Variants in P2RX5 observed in about 807,000 individuals in gnomAD.
P2RX5 encodes purinergic receptor P2X 5, also known as P2X purinoceptor 5.
Under a neutral mutation model 54.1 loss-of-function variants are expected in P2RX5, and 46 were observed. The ratio of observed to expected loss-of-function variants is 0.85; its 90% confidence interval spans 0.67 to 1.09. The LOEUF is 1.09. Ranked by LOEUF, P2RX5 falls within the 50% of genes least tolerant of loss-of-function variation. The pLI, the probability that P2RX5 is intolerant of heterozygous loss-of-function variation, is 0.00. For missense variants in P2RX5, 566 were observed against 549.8 expected (o/e 1.03, Z -0.29); for synonymous variants, 226 against 226.4 (o/e 1.00, Z 0.02).
At position 3,679,689 on chromosome 17, in the gene P2RX5, G is replaced by A. The variant is rs188788755; in HGVS notation, c.1160C>T (p.Pro387Leu). 19 of 1,611,780 alleles carry A rather than the reference G, an allele frequency of 1.2e-5. No individual in the cohort carries two copies. The highest frequency in any genetic ancestry group is 1.7e-4 in the Middle Eastern group (1 of 6,058). The part of the protein sequence containing the change: ...LTSGPGLLGM[P>L]EQQELQEPPE... Reference sequence around the variant, plus strand: ...TGGCTCCTGCAGCTCCTGCTGCTCCGGCATCCCCAGCAGCCCTGGCCCAGA... The same window carrying A: ...TGGCTCCTGCAGCTCCTGCTGCTCCAGCATCCCCAGCAGCCCTGGCCCAGA... Residue 387 changes from proline to leucine, a missense_variant, in exon 11 of 12, where the codon CCG (proline) becomes CTG (leucine). Pro to Leu is a moderately conservative substitution (Grantham distance 98). Coordinates refer to ENST00000225328, the MANE Select transcript of P2RX5 (RefSeq NM_002561.4).
intron 11 of P2RX5, among the ~76,000 whole-genome samples, 156 bp from the exon 12 acceptor site, chr17:3,674,033 G>T (rs1237095943): frequency 6.6e-6 from 1 of 152,214 alleles, no homozygotes; most frequent in Non-Finnish European, 1.5e-5. Context: ...TTCCGGCCAG[G>T]CGCGGTGGCT....
At position 3,673,734 on chromosome 17, in the gene P2RX5, C is replaced by T; in HGVS notation, c.*134G>A. Reference sequence around the variant, plus strand: ...CACTTTGCTCTGTGATGGCTGGTCCCTGTGATGTGGCATTGATAGCACCCA... The same window carrying T: ...CACTTTGCTCTGTGATGGCTGGTCCTTGTGATGTGGCATTGATAGCACCCA... On this transcript the variant is annotated 3_prime_UTR_variant, in exon 12 of 12. Coordinates refer to ENST00000225328, the MANE Select transcript of P2RX5 (RefSeq NM_002561.4). 6.2e-7 allele frequency: 1 copy of T among 1,603,976 alleles called. No homozygotes were observed. The highest frequency in any genetic ancestry group is 2.3e-4 in the Middle Eastern group (1 of 4,414).
intron 11 of P2RX5, among the ~76,000 whole-genome samples, chr17:3,675,102 C>T (rs949224814): frequency 1.3e-5 from 2 of 152,092 alleles, no homozygotes; most frequent in Admixed American, 6.5e-5. Context: ...TGCAGTGGCA[C>T]GATCTTGGAT....
chr17:3,693,143 AAAG>A (rs2050665134), intron 1 of P2RX5, among the ~76,000 whole-genome samples: 2 of 151,432 alleles, frequency 1.3e-5, no homozygotes, highest in African/African-American at 4.8e-5. Flanking sequence ...AAAAAAAAAA[AAAG>A]AGAGAGAGAG....
chr17:3,694,533 C>G (rs1357166995), intron 1 of P2RX5, among the ~76,000 whole-genome samples: 1 of 152,162 alleles, frequency 6.6e-6, no homozygotes, highest in Non-Finnish European at 1.5e-5. Flanking sequence ...CATACTTGTA[C>G]TTAGTTAAAT....
At chr17:3,677,168 G>C (rs1018566586) in intron 11 of P2RX5, 16 of 985,300 alleles carry the variant, frequency 1.6e-5, no homozygotes, top group Non-Finnish European at 1.8e-5. Context: ...TGGGGACGGA[G>C]GGAGGGGAAT....
chr17:3,675,723 T>C, intron 11 of P2RX5: 3 of 634,310 alleles, frequency 4.7e-6, no homozygotes, highest in Non-Finnish European at 5.9e-6. Context: ...CGGCTAATTT[T>C]TGTATTTTTA....
rs201253971 is a variant in P2RX5, at chr17:3,673,653, C to A, written c.*215G>T. On this transcript the variant is annotated 3_prime_UTR_variant, in exon 12 of 12. Transcript: ENST00000225328. ...GAAGAACTGACGGCAGGGGGTGGGG[C>A]AAAAAGACAGCCATGATGGGTCCGT... 1 of 1,445,488 alleles carries A rather than the reference C, an allele frequency of 6.9e-7. No homozygotes were observed. The highest frequency in any genetic ancestry group is 2.6e-5 in the Admixed American group (1 of 38,752). The allele number at this position is 1,445,488 out of a possible 1,614,324, so 89.5% of individuals were successfully genotyped here.
intron 9 of P2RX5, chr17:3,682,202 C>T: frequency 3.4e-6 from 2 of 582,938 alleles, no homozygotes; most frequent in South Asian, 1.9e-5. Flanking sequence ...ATCCCACAGG[C>T]CAGGCACTCC....
chr17:3,708,584 A>G, the P2RX5 span, among the ~76,000 whole-genome samples: 3 of 152,246 alleles, frequency 2.0e-5, no homozygotes. Context: ...AGATTCCAGA[A>G]CAAGTTCACG....
At chr17:3,719,777 G>A in the P2RX5 span, among the ~76,000 whole-genome samples, 2 of 151,304 alleles carry the variant, frequency 1.3e-5, no homozygotes, top group African/African-American at 2.5e-5. Context: ...ACTGAGGCTG[G>A]AGTGGAGTGG....
At chr17:3,709,887 C>T in the P2RX5 span, among the ~76,000 whole-genome samples, 13 of 150,604 alleles carry the variant, frequency 8.6e-5, 1 homozygote, top group African/African-American at 2.7e-4. Context: ...CCAGCCTGGG[C>T]GAAAGAGCGA....
the P2RX5 span, among the ~76,000 whole-genome samples, chr17:3,708,846 G>A: frequency 6.0e-4 from 90 of 149,372 alleles, no homozygotes; most frequent in East Asian, 0.011. Context: ...ACAAATGGCA[G>A]AAGATACCAT....
chr17:3,680,067 TC>T, intron 10 of P2RX5, among the ~76,000 whole-genome samples: 1 of 149,152 alleles, frequency 6.7e-6, no homozygotes, highest in Non-Finnish European at 1.5e-5. Flanking sequence ...CCCTGCATCC[TC>T]CACCTGGCTT....
chr17:3,691,529 G>T, intron 2 of P2RX5, 115 bp downstream of exon 2: 1 of 1,321,188 alleles, frequency 7.6e-7, no homozygotes, highest in Non-Finnish European at 1.1e-6. Context: ...AGCTGTCTTG[G>T]GCCAAGAGAG....
chr17:3,673,995 C>T (rs1470711627), intron 11 of P2RX5, 118 bp from the exon 12 acceptor site: 15 of 955,012 alleles, frequency 1.6e-5, no homozygotes, highest in Non-Finnish European at 2.3e-5. Context: ...ACAGTTCATG[C>T]TTCACTTCTC....
intron 10 of P2RX5, 32 bp downstream of exon 10, chr17:3,681,864 C>T: frequency 1.3e-6 from 2 of 1,491,568 alleles, no homozygotes; most frequent in Non-Finnish European, 1.9e-6. Context: ...ACAGGGCTGC[C>T]CTCGGGCCGC....
At chr17:3,691,067 C>T in intron 2 of P2RX5, 40 bp from the exon 3 acceptor site, 1 of 1,436,112 alleles carries the variant, frequency 7.0e-7, no homozygotes, top group Non-Finnish European at 9.8e-7. Flanking sequence ...TCCTCCTGCC[C>T]CTTAGGGACC....
intron 11 of P2RX5, among the ~76,000 whole-genome samples, chr17:3,674,503 GC>G: frequency 6.6e-6 from 1 of 152,330 alleles, no homozygotes; most frequent in South Asian, 2.1e-4. Context: ...TGAGCACGGG[GC>G]CCCTGATGGG....
Sources: allele counts gnomAD v4.1 joint callset (sites outside exome capture counted in the v4.1 genomes callset), GRCh38; gene constraint gnomAD v4.1.1; transcripts MANE v1.5; gene names NCBI Gene and HGNC (gene_info 2026-07-23, HGNC 2026-07-21).